The following PCTP variants were observed in gnomAD, a reference collection of about 807,000 sequenced individuals.
PCTP encodes START domain-containing protein 2.
PCTP carries 27 observed loss-of-function variants against 31.0 expected under a neutral mutation model. That is an observed-to-expected ratio of 0.87 (90% confidence interval 0.64 to 1.20). The LOEUF is 1.20. PCTP is among the 50% of genes most tolerant of loss of function. PCTP has a pLI of 0.00. For synonymous variants in PCTP, 108 were observed against 101.2 expected (o/e 1.07, Z -0.40); for missense variants, 287 against 268.2 (o/e 1.07, Z -0.49).
downstream of PCTP, among the ~76,000 whole-genome samples, chr17:55,845,413 C>T (rs1228262033): frequency 6.6e-6 from 1 of 152,178 alleles, no homozygotes; most frequent in Non-Finnish European, 1.5e-5. Flanking sequence ...TCTCTCCATC[C>T]CCGTTCCCCG....
downstream of PCTP, among the ~76,000 whole-genome samples, chr17:55,826,715 G>A (rs757117690): frequency 4.7e-4 from 71 of 152,160 alleles, no homozygotes; most frequent in Non-Finnish European, 6.8e-4. Context: ...GCCAAGTTCC[G>A]GCCAATGGAA....
rs142967260 is a variant in PCTP at position 55,814,511 on chromosome 17, C to T, written c.318-8250C>T. ...CAGCTGTGCCAAGGCTGAACAAGGT[C>T]GGGGGGAAAGAAATGCTTCACATAC... On this transcript the variant is annotated intron_variant, in intron 3 of 3. Transcript: ENST00000572536. 2.3e-3 allele frequency among the ~76,000 whole-genome samples: 345 copies of T among 152,264 alleles called. 2 individuals carry two copies. The highest frequency in any genetic ancestry group is 8.1e-3 in the African/African-American group (336 of 41,552).
intron 3 of PCTP, among the ~76,000 whole-genome samples, chr17:55,806,235 C>G (rs1912577676): frequency 6.6e-6 from 1 of 152,004 alleles, no homozygotes; most frequent in Admixed American, 6.6e-5. Context: ...GAGTGATCCT[C>G]TACAGAGAGT....
Position 55,751,054 on chromosome 17 carries a change from A to C in PCTP, c.-50A>C. On this transcript the variant is annotated 5_prime_UTR_variant, in exon 1 of 6. Coordinates refer to ENST00000268896, the MANE Select transcript of PCTP (RefSeq NM_021213.4). ...TCACCCCGCCCCCAGGCCCACACTA[A>C]GGGTGTCCGCGGCCTGCCCTCCAGG... 1 of 1,476,520 alleles carries C rather than the reference A, an allele frequency of 6.8e-7. No homozygotes were observed. Among genetic ancestry groups the C allele is most frequent in the Non-Finnish European group, 8.9e-7 (1 of 1,117,368 alleles). The allele number at this position is 1,476,520 out of a possible 1,614,324, so 91.5% of individuals were successfully genotyped here. A position where few individuals can be genotyped will look rare whatever the true frequency, so the allele number is the denominator to read the frequency against.
chr17:55,842,307 T>C (rs1906008422), intron 5 of PCTP, among the ~76,000 whole-genome samples: 1 of 152,228 alleles, frequency 6.6e-6, no homozygotes, highest in Admixed American at 6.5e-5. Context: ...AGGCGTATAT[T>C]ATCCAGAACT....
intron 3 of PCTP, among the ~76,000 whole-genome samples, chr17:55,799,636 T>G (rs1466444442): frequency 6.6e-6 from 1 of 152,204 alleles, no homozygotes; most frequent in African/African-American, 2.4e-5. Context: ...CTAGTTATTT[T>G]GCACATTAGT....
At chr17:55,817,061 G>T (rs1413240643) in intron 3 of PCTP, among the ~76,000 whole-genome samples, 1 of 152,188 alleles carries the variant, frequency 6.6e-6, no homozygotes, top group Non-Finnish European at 1.5e-5. Flanking sequence ...TGGTCTGTTA[G>T]ATAAATGACC....
intron 3 of PCTP, among the ~76,000 whole-genome samples, chr17:55,816,632 T>A (rs1288334925): frequency 6.6e-6 from 1 of 152,102 alleles, no homozygotes; most frequent in African/African-American, 2.4e-5. Context: ...CTAGGTGAGG[T>A]CCCACAGACA....
At chr17:55,802,410 C>T (rs1912416309) in intron 3 of PCTP, among the ~76,000 whole-genome samples, 1 of 152,066 alleles carries the variant, frequency 6.6e-6, no homozygotes, top group African/African-American at 2.4e-5. Flanking sequence ...AGAGACAGAA[C>T]AACAACAACA....
intron 1 of PCTP, among the ~76,000 whole-genome samples, chr17:55,760,952 G>C (rs1245395948): frequency 1.3e-5 from 2 of 152,214 alleles, no homozygotes; most frequent in African/African-American, 4.8e-5. Context: ...AAGATCCTGT[G>C]TGATGGGTCT....
intron 3 of PCTP, among the ~76,000 whole-genome samples, chr17:55,788,449 T>C (rs1321541168): frequency 6.6e-6 from 1 of 152,208 alleles, no homozygotes; most frequent in Non-Finnish European, 1.5e-5. Context: ...TTATGTTATT[T>C]ATTTACTCAA....
At chr17:55,814,791 C>T (rs1292699111) in intron 3 of PCTP, among the ~76,000 whole-genome samples, 1 of 152,172 alleles carries the variant, frequency 6.6e-6, no homozygotes, top group Non-Finnish European at 1.5e-5. Flanking sequence ...TTTACTTTGA[C>T]CCATAAGCTT....
intron 3 of PCTP, among the ~76,000 whole-genome samples, chr17:55,800,175 C>G (rs190764115): frequency 1.9e-3 from 286 of 152,224 alleles, no homozygotes; most frequent in Non-Finnish European, 2.4e-3. Context: ...TGTTTTCCAA[C>G]TTGGTTCCAT....
chr17:55,765,490 CTTTACCTCCAAAATATA>C (rs769421972), intron 1 of PCTP, among the ~76,000 whole-genome samples: 5 of 152,136 alleles, frequency 3.3e-5, no homozygotes, highest in Admixed American at 1.3e-4. Context: ...TTCCTTTTTA[CTTTACCTCCAAAATATA>C]TCCTTAAATC....
chr17:55,846,351 G>T (rs1478846621), downstream of PCTP, among the ~76,000 whole-genome samples: 1 of 152,160 alleles, frequency 6.6e-6, no homozygotes, highest in African/African-American at 2.4e-5. Flanking sequence ...AAGAAAACAG[G>T]TACACTCCCT....
chr17:55,794,608 G>A (rs1432422091), intron 3 of PCTP, among the ~76,000 whole-genome samples: 1 of 151,958 alleles, frequency 6.6e-6, no homozygotes, highest in Non-Finnish European at 1.5e-5. Context: ...AAAAGAAGCT[G>A]ACAGAATTGC....
downstream of PCTP, among the ~76,000 whole-genome samples, chr17:55,825,096 GA>G (rs888312488): frequency 1.3e-5 from 2 of 151,966 alleles, no homozygotes; most frequent in African/African-American, 2.4e-5. Flanking sequence ...TCTTGTTTAA[GA>G]AAAAAAGTAA....
intron 2 of PCTP, among the ~76,000 whole-genome samples, chr17:55,785,515 T>C (rs935004920): frequency 6.6e-6 from 1 of 152,278 alleles, no homozygotes; most frequent in African/African-American, 2.4e-5. Flanking sequence ...TAGTGATAGA[T>C]AACTGAAGCA....
At chr17:55,823,622 G>A (rs138923628), downstream of PCTP, among the ~76,000 whole-genome samples, 12 of 152,304 alleles carry the variant, frequency 7.9e-5, no homozygotes, top group African/African-American at 2.6e-4. Context: ...AAGGCAAAAC[G>A]ATGGCTCCTA....
Sources: allele counts gnomAD v4.1 joint callset (sites outside exome capture counted in the v4.1 genomes callset), GRCh38; gene constraint gnomAD v4.1.1; transcripts MANE v1.5; gene names NCBI Gene and HGNC (gene_info 2026-07-23, HGNC 2026-07-21).